The following ASIC2 variants were observed in gnomAD, a reference collection of about 807,000 sequenced individuals.
The protein encoded by ASIC2 is acid sensing ion channel subunit 2, also known as acid-sensing ion channel 2.
Under a neutral mutation model 57.3 loss-of-function variants are expected in ASIC2, and 25 were observed. That is an observed-to-expected ratio of 0.44 (90% CI 0.32 to 0.61). The LOEUF (loss-of-function observed/expected upper bound fraction) is 0.61, where lower values mean the gene tolerates loss of function less well. Among genes scored for constraint, ASIC2 ranks in the 20% least tolerant of loss-of-function variants. ASIC2 has a pLI of 0.06. For synonymous variants in ASIC2, 319 were observed against 307.5 expected (o/e 1.04, Z -0.39); for missense variants, 641 against 738.1 (o/e 0.87, Z 1.52).
At chr17:33,814,042 G>A (rs1175240932) in intron 1 of ASIC2, among the ~76,000 whole-genome samples, 2 of 152,110 alleles carry the variant, frequency 1.3e-5, no homozygotes, top group African/African-American at 4.8e-5. Flanking sequence ...GCATACTGCA[G>A]GGGGACTGTG....
At chr17:33,981,230 G>A (rs906356925) in intron 1 of ASIC2, among the ~76,000 whole-genome samples, 12 of 152,090 alleles carry the variant, frequency 7.9e-5, no homozygotes, top group African/African-American at 2.2e-4. Flanking sequence ...GATTACGGGC[G>A]TGAGCCACCG....
At chr17:33,872,165 G>T (rs923005368) in intron 1 of ASIC2, among the ~76,000 whole-genome samples, 1 of 152,130 alleles carries the variant, frequency 6.6e-6, no homozygotes, top group Non-Finnish European at 1.5e-5. Context: ...GTCTTCTGTT[G>T]CTTCCTGTGT....
chr17:33,208,869 T>A (rs1907167994), intron 1 of ASIC2, among the ~76,000 whole-genome samples: 1 of 151,958 alleles, frequency 6.6e-6, no homozygotes, highest in Non-Finnish European at 1.5e-5. Flanking sequence ...TGGGCAGAGG[T>A]GTGGAGGAGT....
chr17:34,016,213 AG>A (rs754153802), intron 1 of ASIC2, among the ~76,000 whole-genome samples: 3 of 152,108 alleles, frequency 2.0e-5, no homozygotes, highest in Non-Finnish European at 2.9e-5. Context: ...TCACCAGGTC[AG>A]GAGATCAAGA....
At chr17:33,240,353 G>A (rs1190141624) in intron 1 of ASIC2, among the ~76,000 whole-genome samples, 2 of 152,132 alleles carry the variant, frequency 1.3e-5, no homozygotes, top group Non-Finnish European at 2.9e-5. Flanking sequence ...GCTCATTCCA[G>A]AGGAGTTCTT....
intron 1 of ASIC2, among the ~76,000 whole-genome samples, chr17:34,141,911 C>T (rs1169503532): frequency 1.3e-5 from 2 of 152,140 alleles, no homozygotes; most frequent in Admixed American, 6.5e-5. Flanking sequence ...TAATCTCAGC[C>T]CATTGTGGCA....
intron 1 of ASIC2, among the ~76,000 whole-genome samples, chr17:33,919,800 G>A (rs8082445): frequency 0.32 from 48,800 of 151,998 alleles, 8,211 homozygotes; most frequent in Admixed American, 0.39. Context: ...TCCAGAATCT[G>A]TAAGAAACTT....
rs141334692 is a variant in ASIC2 at position 33,324,726 on chromosome 17, G to A, written c.556-212659C>T. 1.4e-4 allele frequency among the ~76,000 whole-genome samples: 22 copies of A among 152,274 alleles called. No individual in the cohort carries two copies. In the East Asian group the frequency reaches 4.2e-3, roughly 29 times the overall value. On this transcript the variant is annotated intron_variant, in intron 1 of 9. Transcript: ENST00000359872. Reference sequence around the variant, plus strand: ...TTCTCCCCATTAAGAGAGGAGCCCAGGGATCAGTCGTTCTAACAGCATCTT... The same window carrying A: ...TTCTCCCCATTAAGAGAGGAGCCCAAGGATCAGTCGTTCTAACAGCATCTT...
At chr17:34,132,694 G>A (rs575777437) in intron 1 of ASIC2, among the ~76,000 whole-genome samples, 3 of 152,248 alleles carry the variant, frequency 2.0e-5, no homozygotes, top group South Asian at 2.1e-4. Flanking sequence ...GTCCCCACTC[G>A]ACCCACGAAG....
intron 1 of ASIC2, among the ~76,000 whole-genome samples, chr17:33,625,041 AG>A (rs1905928963): frequency 6.6e-6 from 1 of 151,924 alleles, no homozygotes; most frequent in South Asian, 2.1e-4. Flanking sequence ...TCCTTGTACC[AG>A]GATCAGTCTT....
chr17:33,381,795 A>G (rs1282805596), intron 1 of ASIC2, among the ~76,000 whole-genome samples: 1 of 152,206 alleles, frequency 6.6e-6, no homozygotes, highest in Non-Finnish European at 1.5e-5. Flanking sequence ...CAACTCCTCC[A>G]TTACTAGCCG....
chr17:34,050,184 C>T (rs1374418839), intron 1 of ASIC2, among the ~76,000 whole-genome samples: 1 of 152,210 alleles, frequency 6.6e-6, no homozygotes, highest in Non-Finnish European at 1.5e-5. Flanking sequence ...AAATATAACA[C>T]AGTCCATCTT....
At chr17:33,929,520 C>A (rs1057280377) in intron 1 of ASIC2, among the ~76,000 whole-genome samples, 3 of 152,202 alleles carry the variant, frequency 2.0e-5, no homozygotes, top group African/African-American at 7.2e-5. Flanking sequence ...AGTATACAGG[C>A]TTCCCTGCTG....
intron 4 of ASIC2, among the ~76,000 whole-genome samples, chr17:33,026,940 C>T (rs2091861742): frequency 6.6e-6 from 1 of 152,142 alleles, no homozygotes; most frequent in Admixed American, 6.5e-5. Flanking sequence ...TTCTAGGAAG[C>T]TCAGAGGCCA....
intron 1 of ASIC2, among the ~76,000 whole-genome samples, chr17:33,839,187 T>C (rs1913355206): frequency 1.3e-5 from 2 of 152,188 alleles, no homozygotes; most frequent in African/African-American, 4.8e-5. Flanking sequence ...GGGGAGCATC[T>C]AAGAGTGTCC....
chr17:33,071,627 C>A (rs776021594), intron 3 of ASIC2, among the ~76,000 whole-genome samples: 24 of 152,082 alleles, frequency 1.6e-4, no homozygotes, highest in Non-Finnish European at 2.9e-4. Context: ...TGATTGGATG[C>A]CAGATGTCAT....
chr17:33,813,679 G>A (rs1025557850), intron 1 of ASIC2, among the ~76,000 whole-genome samples: 3 of 152,194 alleles, frequency 2.0e-5, no homozygotes, highest in Non-Finnish European at 2.9e-5. Flanking sequence ...CTCATGATCC[G>A]CCCGCCTGGG....
intron 1 of ASIC2, among the ~76,000 whole-genome samples, chr17:33,920,259 A>G (rs1378259378): frequency 1.3e-5 from 2 of 152,236 alleles, no homozygotes; most frequent in East Asian, 3.9e-4. Context: ...ATGCACTTGT[A>G]TGTTCACTGC....
chr17:34,097,601 C>T (rs1486182334), intron 1 of ASIC2, among the ~76,000 whole-genome samples: 2 of 152,158 alleles, frequency 1.3e-5, no homozygotes, highest in African/African-American at 4.8e-5. Flanking sequence ...CATGTGAAGA[C>T]AAGGCAGAGA....
Sources: gnomAD v4.1 joint callset for allele counts (sites outside exome capture counted in the v4.1 genomes callset) on GRCh38, gnomAD v4.1.1 for gene constraint, MANE v1.5 for transcripts, NCBI Gene and HGNC (gene_info 2026-07-23, HGNC 2026-07-21) for gene names.